The following ANKRD11 variants were observed in gnomAD, a reference collection of about 807,000 sequenced individuals.
ANKRD11 encodes ankyrin repeat domain 11, also known as ankyrin repeat domain-containing protein 11.
ANKRD11 carries 17 observed loss-of-function variants against 195.7 expected under a neutral mutation model. The ratio of observed to expected loss-of-function variants is 0.09; its 90% CI spans 0.06 to 0.13. ANKRD11 has a LOEUF of 0.13. Ranked by LOEUF, ANKRD11 falls within the 10% of genes least tolerant of loss-of-function variation. ANKRD11 has a pLI of 1.00. For synonymous variants in ANKRD11, 1,953 were observed against 1,528.1 expected, an observed-to-expected ratio of 1.28 and a Z score of -6.49; for missense variants, 3,735 against 3,566.1, an observed-to-expected ratio of 1.05 and a Z score of -1.21.
chr16:89,314,295 C>A (rs1052552801), intron 3 of ANKRD11, among the ~76,000 whole-genome samples: 3 of 151,768 alleles, frequency 2.0e-5, no homozygotes, highest in African/African-American at 7.3e-5. Flanking sequence ...ACCACACATA[C>A]AACTGAACCC....
chr16:89,474,450 C>CTACCTTA (rs2057189690), intron 1 of ANKRD11, among the ~76,000 whole-genome samples: 1 of 150,370 alleles, frequency 6.7e-6, no homozygotes, highest in Non-Finnish European at 1.5e-5. Context: ...GACCCTGTCT[C>CTACCTTA]TACCTTATGT....
chr16:89,278,096 C>T (rs938103457), intron 9 of ANKRD11: 2 of 212,332 alleles, frequency 9.4e-6, no homozygotes, highest in South Asian at 6.7e-5. Context: ...CCACACAGTC[C>T]GCTAGGCACA....
intron 1 of ANKRD11, among the ~76,000 whole-genome samples, chr16:89,461,016 C>G (rs1215945639): frequency 3.6e-4 from 31 of 87,232 alleles, no homozygotes; most frequent in South Asian, 8.3e-4. Context: ...ACATTCATAA[C>G]AGAAGAAAGG....
intron 7 of ANKRD11, 149 bp downstream of exon 7, chr16:89,288,379 G>T: frequency 4.8e-6 from 6 of 1,260,000 alleles, no homozygotes; most frequent in Non-Finnish European, 6.7e-6. Flanking sequence ...GCAGACAGAG[G>T]GCACAGCTCG....
In ANKRD11 at chr16:89,280,304, C is replaced by A. The variant is rs778852816; in HGVS notation, c.6238G>T (p.Ala2080Ser). Reference sequence around the variant, plus strand: ...GCGGCTACACAGGCGGGCTCGGGGGCCACGTCCAGCGGGGCTTCCGGAAGT... The same window carrying A: ...GCGGCTACACAGGCGGGCTCGGGGGACACGTCCAGCGGGGCTTCCGGAAGT... ...KSLPEAPLDV[A>S]PEPACVAAVA... Residue 2080 changes from alanine to serine, a missense_variant, in exon 9 of 13, where the codon GCC (alanine) becomes TCC (serine). Ala to Ser is a moderately conservative substitution (Grantham distance 99). Coordinates refer to ENST00000301030, the MANE Select transcript of ANKRD11 (RefSeq NM_013275.6). 1.9e-6 allele frequency: 3 copies of A among 1,595,452 alleles called. No homozygotes were observed. The South Asian group carries it at 3.3e-5, about 18-fold the overall frequency.
At chr16:89,488,118 A>G (rs1042385447) in intron 1 of ANKRD11, among the ~76,000 whole-genome samples, 1 of 152,198 alleles carries the variant, frequency 6.6e-6, no homozygotes, top group South Asian at 2.1e-4. Flanking sequence ...TGTGTTATGT[A>G]TATTTTACTA....
At chr16:89,328,097 T>C (rs1240228907) in intron 2 of ANKRD11, among the ~76,000 whole-genome samples, 2 of 152,190 alleles carry the variant, frequency 1.3e-5, no homozygotes, top group Non-Finnish European at 2.9e-5. Context: ...GAACAAGCCA[T>C]GAAGGCACTC....
Position 89,282,609 on chromosome 16 carries a change from T to C in ANKRD11, c.3933A>G (p.Arg1311=), listed in dbSNP as rs1408303399. The C allele has an allele frequency of 3.1e-6, 5 of 1,614,056 alleles. No homozygotes were observed. The highest frequency in any genetic ancestry group is 4.2e-6 in the Non-Finnish European group (5 of 1,180,036). The part of the protein sequence containing the change: ...SEVSSDSFTD[R]GQEPGLTAFL... ...AGGCAGTCAGCCCCGGCTCCTGCCC[T>C]CGGTCCGTGAAGCTGTCAGAGGAGA... Residue 1311 remains arginine (R), a synonymous_variant, in exon 9 of 13, where the codon CGA becomes CGG. Transcript: ENST00000301030.
At chr16:89,432,944 ATC>A (rs56770747) in intron 1 of ANKRD11, among the ~76,000 whole-genome samples, 7,441 of 108,586 alleles carry the variant, frequency 0.069, 339 homozygotes, top group East Asian at 0.26. Flanking sequence ...CAGAGACCCT[ATC>A]TCTCTCTCTC....
chr16:89,324,087 T>C (rs914468815), intron 2 of ANKRD11: 3 of 363,044 alleles, frequency 8.3e-6, no homozygotes, highest in African/African-American at 6.6e-5. Flanking sequence ...CTTGACCTCA[T>C]GATCTGCCGG....
At chr16:89,272,020 T>G (rs761175811) in intron 11 of ANKRD11, 2 of 151,780 alleles carry the variant, frequency 1.3e-5, no homozygotes, top group Middle Eastern at 3.2e-3. Context: ...AAGCAGAACA[T>G]AGAAGGCATG....
chr16:89,318,899 A>AT (rs768784226), intron 2 of ANKRD11, among the ~76,000 whole-genome samples: 1 of 152,062 alleles, frequency 6.6e-6, no homozygotes, highest in Non-Finnish European at 1.5e-5. Flanking sequence ...GGCCAGACAT[A>AT]TTTTCTCTCT....
intron 2 of ANKRD11, among the ~76,000 whole-genome samples, chr16:89,341,078 A>G (rs1278169693): frequency 3.3e-5 from 5 of 152,238 alleles, no homozygotes; most frequent in South Asian, 4.1e-4. Context: ...GAAAAAATTA[A>G]TAAGTCATAA....
intron 1 of ANKRD11, among the ~76,000 whole-genome samples, chr16:89,419,079 G>A (rs796347821): frequency 1.3e-5 from 2 of 151,930 alleles, no homozygotes; most frequent in African/African-American, 4.8e-5. Flanking sequence ...CATAAAAGGT[G>A]CAAAAAAAGA....
chr16:89,281,277 G>T lies in ANKRD11; in HGVS notation c.5265C>A (p.Ala1755=), dbSNP rs1211091497. The stretch of plus-strand genomic sequence containing the variant: ...ACCTGTCGAAAAAGGAGGGGGAGCA[G>T]GCGCTGGTGGGAGCGGTGGGCACGG... ...STPVPTAPTS[A]CSPSFFDRFS... is the part of the protein sequence containing the mutation. Residue 1755 remains alanine (A), a synonymous_variant, in exon 9 of 13, where the codon GCC becomes GCA. Transcript: ENST00000301030. The surrounding 1 kb of genome is among the most constrained non-coding windows in gnomAD (Gnocchi z 5.5). The T allele has an allele frequency of 1.9e-6, 3 of 1,614,278 alleles. No homozygotes were observed. The Admixed American group carries it at 5.0e-5, about 27-fold the overall frequency.
chr16:89,460,919 G>A (rs2056631061), intron 1 of ANKRD11, among the ~76,000 whole-genome samples: 1 of 149,286 alleles, frequency 6.7e-6, no homozygotes. Context: ...TACAGGAGAG[G>A]TGCCTTGGAC....
At chr16:89,449,861 A>G (rs912354429) in intron 1 of ANKRD11, among the ~76,000 whole-genome samples, 13 of 136,056 alleles carry the variant, frequency 9.6e-5, no homozygotes, top group Non-Finnish European at 1.1e-4. Context: ...GGCAACAGAA[A>G]GCAGGTGACA....
chr16:89,398,201 C>T (rs2041532279), intron 2 of ANKRD11, among the ~76,000 whole-genome samples: 1 of 151,992 alleles, frequency 6.6e-6, no homozygotes, highest in Non-Finnish European at 1.5e-5. Context: ...CACTGTGAAA[C>T]AGCTGAAGAT....
In ANKRD11 at chr16:89,363,011, C is replaced by T. The variant is rs75755048; in HGVS notation, c.-59-45933G>A. Among the ~76,000 whole-genome samples the T allele has an allele frequency of 6.6e-3, 995 of 151,802 alleles. 29 individuals carry two copies. The highest frequency in any genetic ancestry group is 0.023 in the African/African-American group (962 of 41,074). On this transcript the variant is annotated intron_variant, in intron 2 of 12. Coordinates refer to ENST00000301030, the MANE Select transcript of ANKRD11 (RefSeq NM_013275.6). ...ATAAATGACCCTGGTCTCCTTTATC[C>T]GGTGTACTCTCGTGGCAAAACTGCT... is the stretch of plus-strand genomic sequence containing the variant.
Sources: gnomAD v4.1 joint callset for allele counts (sites outside exome capture counted in the v4.1 genomes callset) on GRCh38, gnomAD v4.1.1 for gene constraint, Gnocchi (gnomAD v3.1) non-coding constraint, MANE v1.5 for transcripts, NCBI Gene and HGNC (gene_info 2026-07-23, HGNC 2026-07-21) for gene names.